ST6GAL1: variants seen among roughly 807,000 people sequenced by gnomAD.
The protein encoded by ST6GAL1 is beta-galactoside alpha-2,6-sialyltransferase 1.
ST6GAL1 carries 20 observed loss-of-function variants against 38.0 expected under a neutral mutation model. The ratio of observed to expected loss-of-function variants is 0.53; its 90% CI spans 0.37 to 0.77. The LOEUF is 0.77. Among genes scored for constraint, ST6GAL1 ranks in the 30% least tolerant of loss-of-function variants. The pLI, the probability that ST6GAL1 is intolerant of heterozygous loss-of-function variation, is 0.00. For missense variants in ST6GAL1, 432 were observed against 496.4 expected (o/e 0.87, Z 1.23); for synonymous variants, 196 against 188.2 (o/e 1.04, Z -0.34).
intron 2 of ST6GAL1, among the ~76,000 whole-genome samples, chr3:187,004,738 A>C (rs1716727015): frequency 1.3e-5 from 2 of 152,168 alleles, no homozygotes; most frequent in South Asian, 4.1e-4. Flanking sequence ...AAATACAGAA[A>C]CCTTACTTAT....
chr3:186,981,637 T>C (rs995442785), intron 2 of ST6GAL1, among the ~76,000 whole-genome samples: 10 of 152,238 alleles, frequency 6.6e-5, no homozygotes, highest in Admixed American at 1.3e-4. Flanking sequence ...AAGTCTTATC[T>C]TATTTTTGAA....
chr3:186,990,440 A>G (rs915225999), intron 2 of ST6GAL1, among the ~76,000 whole-genome samples: 2 of 152,128 alleles, frequency 1.3e-5, no homozygotes, highest in Non-Finnish European at 2.9e-5. Context: ...CAGCACTAGC[A>G]TGTGTTCATG....
chr3:187,062,574 TCACACACACACA>T (rs57175575), intron 5 of ST6GAL1, among the ~76,000 whole-genome samples: 5 of 143,812 alleles, frequency 3.5e-5, no homozygotes, highest in African/African-American at 1.3e-4. Flanking sequence ...AATAAGCCAG[TCACACACACACA>T]CACACACACA....
chr3:187,063,482 G>A (rs1201196320), intron 5 of ST6GAL1, among the ~76,000 whole-genome samples: 1 of 152,234 alleles, frequency 6.6e-6, no homozygotes, highest in Non-Finnish European at 1.5e-5. Flanking sequence ...AGGATTTCCA[G>A]GCCATGCTGG....
chr3:187,042,537 C>T, intron 3 of ST6GAL1, 117 bp from the exon 4 acceptor site: 1 of 990,078 alleles, frequency 1.0e-6, no homozygotes, highest in Admixed American at 2.5e-5. Context: ...GGAGGTAGAC[C>T]AGGGCTGGAA....
chr3:186,947,267 A>T (rs1478066312), intron 1 of ST6GAL1, among the ~76,000 whole-genome samples: 1 of 152,220 alleles, frequency 6.6e-6, no homozygotes, highest in Non-Finnish European at 1.5e-5. Context: ...GTTAAGGGTG[A>T]GAGATCTGTG....
intron 1 of ST6GAL1, among the ~76,000 whole-genome samples, chr3:186,947,683 C>T (rs765490407): frequency 2.6e-5 from 4 of 152,122 alleles, no homozygotes; most frequent in African/African-American, 4.8e-5. Flanking sequence ...ATCCAGCAGC[C>T]GTGTGGCCCC....
chr3:186,937,350 T>G (rs530597182), intron 1 of ST6GAL1, among the ~76,000 whole-genome samples: 6 of 152,294 alleles, frequency 3.9e-5, no homozygotes, highest in South Asian at 4.1e-4. Flanking sequence ...TTGCCTCAGG[T>G]GTTCAGCCAT....
Position 187,075,841 on chromosome 3 carries a change from G to A in ST6GAL1, c.*38G>A, listed in dbSNP as rs751444095. The A allele has an allele frequency of 6.2e-7, 1 of 1,608,470 alleles. No individual in the cohort carries two copies. Among genetic ancestry groups the A allele is most frequent in the South Asian group, 1.1e-5 (1 of 90,786 alleles). On this transcript the variant is annotated 3_prime_UTR_variant, in exon 8 of 8. Coordinates refer to ENST00000169298, the MANE Select transcript of ST6GAL1 (RefSeq NM_173216.2). The surrounding 1 kb of genome is among the most constrained non-coding windows in gnomAD (Gnocchi z 4.1). The stretch of plus-strand genomic sequence containing the variant: ...CACTCTTCTCCATCAGGCATTAAAT[G>A]AATGGTCTCTTGGCCACCCCAGCCT...
intron 2 of ST6GAL1, among the ~76,000 whole-genome samples, chr3:187,007,260 C>A (rs1716815163): frequency 1.3e-5 from 2 of 152,250 alleles, no homozygotes; most frequent in South Asian, 4.2e-4. Flanking sequence ...GTGAGGAAAT[C>A]CCTGAGAGGA....
chr3:187,064,051 C>T (rs1719012855), intron 5 of ST6GAL1, among the ~76,000 whole-genome samples: 2 of 152,100 alleles, frequency 1.3e-5, no homozygotes, highest in Non-Finnish European at 2.9e-5. Context: ...AATGACTCCA[C>T]CTTCCCAAAT....
At chr3:187,024,505 G>T (rs909928949) in intron 2 of ST6GAL1, among the ~76,000 whole-genome samples, 53 of 148,902 alleles carry the variant, frequency 3.6e-4, no homozygotes, top group African/African-American at 9.3e-4. Context: ...GAGAGAGAGA[G>T]AGAGAGAGAG....
chr3:186,939,738 G>A (rs558100841), intron 1 of ST6GAL1, among the ~76,000 whole-genome samples: 38 of 152,212 alleles, frequency 2.5e-4, no homozygotes, highest in African/African-American at 1.2e-4. Flanking sequence ...CGTTGCTGCC[G>A]GTCTCTCATG....
chr3:186,941,752 CCTGTAATCCCAGCACTTTGGG>C (rs1274865268), intron 1 of ST6GAL1, among the ~76,000 whole-genome samples: 2 of 152,128 alleles, frequency 1.3e-5, no homozygotes, highest in African/African-American at 4.8e-5. Flanking sequence ...GTGGCTCATG[CCTGTAATCCCAGCACTTTGGG>C]AGGCCGAGGC....
chr3:187,071,617 C>T (rs1480661425), intron 5 of ST6GAL1, among the ~76,000 whole-genome samples: 4 of 151,662 alleles, frequency 2.6e-5, no homozygotes, highest in East Asian at 1.9e-4. Context: ...AAAAATTAGC[C>T]GGGCGTGGTG....
chr3:186,945,067 C>G (rs1714308456), intron 1 of ST6GAL1, among the ~76,000 whole-genome samples: 1 of 152,146 alleles, frequency 6.6e-6, no homozygotes, highest in East Asian at 1.9e-4. Flanking sequence ...GCCTAAAATC[C>G]TAGCACTTTG....
At chr3:187,067,394 CTTTTTTTTTTT>C (rs3055154) in intron 5 of ST6GAL1, among the ~76,000 whole-genome samples, 2 of 114,130 alleles carry the variant, frequency 1.8e-5, no homozygotes, top group Non-Finnish European at 3.6e-5. Context: ...GCAAGGCAAC[CTTTTTTTTTTT>C]TTTTTTTTTT....
intron 2 of ST6GAL1, among the ~76,000 whole-genome samples, chr3:186,970,013 T>C (rs1715292820): frequency 1.3e-5 from 2 of 152,170 alleles, no homozygotes; most frequent in African/African-American, 4.8e-5. Context: ...GCACAGGAAG[T>C]TGAAAAGATA....
At chr3:186,995,815 G>C (rs935393823) in intron 2 of ST6GAL1, among the ~76,000 whole-genome samples, 1 of 152,150 alleles carries the variant, frequency 6.6e-6, no homozygotes, top group Non-Finnish European at 1.5e-5. Context: ...CTGTGCTCCA[G>C]CTTGGGTGAC....
Sources: allele counts gnomAD v4.1 joint callset (sites outside exome capture counted in the v4.1 genomes callset), GRCh38; gene constraint gnomAD v4.1.1; non-coding constraint Gnocchi (gnomAD v3.1); transcripts MANE v1.5; gene names NCBI Gene and HGNC (gene_info 2026-07-23, HGNC 2026-07-21).